The following TRPC4 variants were observed in gnomAD, a reference collection of about 807,000 sequenced individuals.
The protein encoded by TRPC4 is short transient receptor potential channel 4.
TRPC4 carries 49 observed loss-of-function variants against 99.4 expected under a neutral mutation model. The ratio of observed to expected loss-of-function variants is 0.49; its 90% confidence interval spans 0.39 to 0.63. The LOEUF (loss-of-function observed/expected upper bound fraction) is 0.63. Ranked by LOEUF, TRPC4 falls within the 20% of genes least tolerant of loss-of-function variation. TRPC4 has a pLI of 0.00. For synonymous variants in TRPC4, 454 were observed against 425.9 expected, an observed-to-expected ratio of 1.07 and a Z score of -0.81; for missense variants, 898 against 1,152.9, an observed-to-expected ratio of 0.78 and a Z score of 3.20.
intron 5 of TRPC4, among the ~76,000 whole-genome samples, chr13:37,673,471 T>C (rs1405351578): frequency 3.3e-3 from 1 of 304 alleles, no homozygotes; most frequent in Non-Finnish European, 0.12. Flanking sequence ...ATATTCTTTA[T>C]TTTTTTTTTT....
At chr13:37,823,222 G>GA (rs1329205902) in intron 1 of TRPC4, among the ~76,000 whole-genome samples, 1 of 148,086 alleles carries the variant, frequency 6.8e-6, no homozygotes, top group African/African-American at 2.5e-5. Flanking sequence ...TTTGTAGGTT[G>GA]CCTGTTCACT....
chr13:37,860,621 C>T (rs1342839550), intron 1 of TRPC4, among the ~76,000 whole-genome samples: 1 of 151,460 alleles, frequency 6.6e-6, no homozygotes. Context: ...GGTTATAATT[C>T]CATCTCACTA....
At chr13:37,639,737 C>A (rs1951655698) in intron 8 of TRPC4, among the ~76,000 whole-genome samples, 1 of 125,928 alleles carries the variant, frequency 7.9e-6, no homozygotes, top group African/African-American at 3.6e-5. Flanking sequence ...TCACTGAACT[C>A]TCCAATCATA....
At chr13:37,816,969 G>A (rs1957873411) in intron 1 of TRPC4, among the ~76,000 whole-genome samples, 1 of 151,988 alleles carries the variant, frequency 6.6e-6, no homozygotes, top group Non-Finnish European at 1.5e-5. Flanking sequence ...CACAAGACAA[G>A]GATGCCTTCT....
chr13:37,867,975 A>C (rs554068307), intron 1 of TRPC4, among the ~76,000 whole-genome samples: 1 of 152,148 alleles, frequency 6.6e-6, no homozygotes, highest in Non-Finnish European at 1.5e-5. Context: ...TCCTCTAATG[A>C]GAAAGAATAT....
At chr13:37,674,147 A>C in intron 5 of TRPC4, 81 bp downstream of exon 5, 1 of 1,325,696 alleles carries the variant, frequency 7.5e-7, no homozygotes, top group Admixed American at 3.4e-5. Flanking sequence ...AGGTAACTTT[A>C]TTAATAAAAT....
intron 3 of TRPC4, among the ~76,000 whole-genome samples, chr13:37,703,815 C>CT (rs1954180766): frequency 6.6e-6 from 1 of 151,966 alleles, no homozygotes; most frequent in Non-Finnish European, 1.5e-5. Context: ...ACCAATGATA[C>CT]ATCCATTCTT....
chr13:37,657,340 T>C (rs1238149477), intron 6 of TRPC4, among the ~76,000 whole-genome samples: 1 of 152,222 alleles, frequency 6.6e-6, no homozygotes, highest in Non-Finnish European at 1.5e-5. Context: ...GAATTCAATC[T>C]GACTCATTGG....
rs1297279733 is a variant in TRPC4 at position 37,632,887 on chromosome 13, A to C, written c.*4016T>G. Reference sequence around the variant, plus strand: ...TTAACTTGAATGTTTGGACAACTATATTTTCTACAAGGGCAAAGAAGACAA... The same window carrying C: ...TTAACTTGAATGTTTGGACAACTATCTTTTCTACAAGGGCAAAGAAGACAA... On this transcript the variant is annotated 3_prime_UTR_variant, in exon 11 of 11. Coordinates refer to ENST00000379705, the MANE Select transcript of TRPC4 (RefSeq NM_016179.4). Among the ~76,000 whole-genome samples the C allele has an allele frequency of 6.6e-6, 1 of 152,190 alleles. No individual in the cohort carries two copies. Among genetic ancestry groups the C allele is most frequent in the Non-Finnish European group, 1.5e-5 (1 of 68,034 alleles).
chr13:37,693,400 T>C (rs1301113988), intron 3 of TRPC4, among the ~76,000 whole-genome samples: 2 of 152,158 alleles, frequency 1.3e-5, no homozygotes, highest in African/African-American at 4.8e-5. Flanking sequence ...CAGTTCTGAT[T>C]GAAGGAGAAG....
intron 3 of TRPC4, among the ~76,000 whole-genome samples, chr13:37,735,054 C>T (rs1333357): frequency 6.6e-6 from 1 of 152,272 alleles, no homozygotes; most frequent in East Asian, 1.9e-4. Flanking sequence ...CACAGCTTCA[C>T]AATTCAGCTT....
chr13:37,743,775 T>C (rs573693118), intron 3 of TRPC4, among the ~76,000 whole-genome samples: 1 of 152,302 alleles, frequency 6.6e-6, no homozygotes, highest in Non-Finnish European at 1.5e-5. Context: ...CGAACAACTC[T>C]TTGACAGGAA....
chr13:37,681,991 T>G (rs1444851518), intron 4 of TRPC4, among the ~76,000 whole-genome samples: 1 of 152,212 alleles, frequency 6.6e-6, no homozygotes, highest in African/African-American at 2.4e-5. Flanking sequence ...GCTATTTGAA[T>G]GTTCTATTAT....
At chr13:37,640,199 A>C (rs1593411076) in intron 8 of TRPC4, among the ~76,000 whole-genome samples, 1 of 152,192 alleles carries the variant, frequency 6.6e-6, no homozygotes, top group East Asian at 1.9e-4. Flanking sequence ...ATAATAAAAG[A>C]ATTAATTTGG....
At position 37,746,365 on chromosome 13, in the gene TRPC4, T is replaced by A; in HGVS notation, c.469A>T (p.Ile157Leu). The A allele has an allele frequency of 6.2e-7, 1 of 1,613,642 alleles. No individual in the cohort carries two copies. Among genetic ancestry groups the A allele is most frequent in the Non-Finnish European group, 8.5e-7 (1 of 1,179,808 alleles). The change falls in exon 3 of 11, where the codon ATA (isoleucine) becomes TTA (leucine). Residue 157 changes from isoleucine to leucine, a missense_variant. Transcript: ENST00000379705. ...ILAAHTNNYE[I>L]IKLLVQKGVS... ...CCTTTCTGAACCAAGAGTTTTATTA[T>A]CTCATAATTATTTGTATGGGCTGCC...
chr13:37,858,193 T>C, intron 1 of TRPC4, among the ~76,000 whole-genome samples: 1 of 151,602 alleles, frequency 6.6e-6, no homozygotes, highest in Non-Finnish European at 1.5e-5. Context: ...ATAAGAGAAA[T>C]GCAAATCAAA....
chr13:37,691,929 T>C, intron 4 of TRPC4, 70 bp downstream of exon 4: 1 of 1,431,974 alleles, frequency 7.0e-7, no homozygotes, highest in Non-Finnish European at 9.6e-7. Flanking sequence ...CATTAATGAA[T>C]ATTTTCTGAG....
At chr13:37,638,673 C>T (rs3887894) in intron 10 of TRPC4, among the ~76,000 whole-genome samples, 3,871 of 152,220 alleles carry the variant, frequency 0.025, 161 homozygotes, top group African/African-American at 0.088. Context: ...CTTAAATTCA[C>T]TGCTATCAAA....
intron 4 of TRPC4, among the ~76,000 whole-genome samples, chr13:37,676,378 C>CT (rs10710896): frequency 4.9e-5 from 7 of 144,196 alleles, no homozygotes; most frequent in African/African-American, 1.5e-4. Context: ...GGAGTAACAT[C>CT]TTTTTTTTTT....
Sources: gnomAD v4.1 joint callset for allele counts (sites outside exome capture counted in the v4.1 genomes callset) on GRCh38, gnomAD v4.1.1 for gene constraint, MANE v1.5 for transcripts, NCBI Gene and HGNC (gene_info 2026-07-23, HGNC 2026-07-21) for gene names.